LTBP1: variants seen among roughly 807,000 people sequenced by gnomAD.
LTBP1 encodes latent-transforming growth factor beta-binding protein 1.
A neutral mutation model predicts 207.6 loss-of-function variants in LTBP1; 129 were observed. The ratio of observed to expected loss-of-function variants is 0.62; its 90% CI spans 0.54 to 0.72. The LOEUF (loss-of-function observed/expected upper bound fraction) is 0.72. Among genes scored for constraint, LTBP1 ranks in the 30% least tolerant of loss-of-function variants. LTBP1 has a pLI of 0.00. For synonymous variants in LTBP1, 963 were observed against 833.7 expected, an observed-to-expected ratio of 1.16 and a Z score of -2.67; for missense variants, 2,281 against 2,217.2, an observed-to-expected ratio of 1.03 and a Z score of -0.58.
chr2:33,177,000 C>T lies in LTBP1; in HGVS notation c.1202-9856C>T, dbSNP rs527444331. ...TCAGGTCACACAACAGCCATATGAG[C>T]TGGATACAATTATTTTTCTCATTTT... On this transcript the variant is annotated intron_variant, in intron 5 of 33. Coordinates refer to ENST00000404816, the MANE Select transcript of LTBP1 (RefSeq NM_206943.4). Among the ~76,000 whole-genome samples, 15 of 152,236 alleles carry T rather than the reference C, an allele frequency of 9.9e-5. No homozygotes were observed. The East Asian group carries it at 2.9e-3, about 29-fold the overall frequency.
chr2:33,216,110 G>A (rs1030780546), intron 7 of LTBP1, among the ~76,000 whole-genome samples: 17 of 152,036 alleles, frequency 1.1e-4, no homozygotes, highest in African/African-American at 3.9e-4. Context: ...TTCATGCAGC[G>A]TTTCCTGAGC....
intron 9 of LTBP1, among the ~76,000 whole-genome samples, chr2:33,228,998 C>T (rs1463495257): frequency 6.6e-6 from 1 of 151,948 alleles, no homozygotes; most frequent in Non-Finnish European, 1.5e-5. Context: ...TGTACCCGGC[C>T]CTAACCAGGG....
At position 33,257,517 on chromosome 2, in the gene LTBP1, A is replaced by C; in HGVS notation, c.2395+6A>C. Reference sequence around the variant, plus strand: ...AGGAGTGGCGGAGCCAGAAGGTGAGAGCGGTAATGGATCATGGACTCTAGA... The same window carrying C: ...AGGAGTGGCGGAGCCAGAAGGTGAGCGCGGTAATGGATCATGGACTCTAGA... On this transcript the variant is annotated splice_donor_region_variant and intron_variant, in intron 12 of 33. Coordinates refer to ENST00000404816, the MANE Select transcript of LTBP1 (RefSeq NM_206943.4). 2 of 1,610,824 alleles carry C rather than the reference A, an allele frequency of 1.2e-6. No individual in the cohort carries two copies. The highest frequency in any genetic ancestry group is 2.2e-5 in the East Asian group (1 of 44,852).
At chr2:33,061,734 A>C (rs60641865) in intron 3 of LTBP1, among the ~76,000 whole-genome samples, 1 of 152,110 alleles carries the variant, frequency 6.6e-6, no homozygotes, top group South Asian at 2.1e-4. Flanking sequence ...GGTTGTTTCT[A>C]GTTTGGGGCT....
chr2:33,341,145 G>C (rs532065928), intron 24 of LTBP1, among the ~76,000 whole-genome samples: 2 of 152,136 alleles, frequency 1.3e-5, no homozygotes, highest in East Asian at 3.9e-4. Flanking sequence ...AGTACCAGGC[G>C]TGGCTGGTGT....
At chr2:33,056,582 C>A (rs1233503932) in intron 3 of LTBP1, 3 of 381,820 alleles carry the variant, frequency 7.9e-6, no homozygotes, top group Non-Finnish European at 1.4e-5. Context: ...AGCCGCGGAC[C>A]CTCGCAGTGA....
chr2:33,095,419 T>A (rs999815532), intron 3 of LTBP1, among the ~76,000 whole-genome samples: 1 of 152,208 alleles, frequency 6.6e-6, no homozygotes. Flanking sequence ...AGAACTGAGC[T>A]ATTGCACACT....
chr2:33,270,822 G>A (rs1361657474), intron 15 of LTBP1, among the ~76,000 whole-genome samples: 2 of 152,112 alleles, frequency 1.3e-5, no homozygotes, highest in African/African-American at 4.8e-5. Context: ...TGACAGACAT[G>A]TTCAGCGTTT....
intron 20 of LTBP1, among the ~76,000 whole-genome samples, chr2:33,293,980 A>C (rs1483658470): frequency 6.7e-6 from 1 of 150,034 alleles, no homozygotes; most frequent in Non-Finnish European, 1.5e-5. Flanking sequence ...ATTAGTGAAC[A>C]AAACTGGTAC....
At chr2:33,117,295 T>G (rs1422040995) in intron 4 of LTBP1, among the ~76,000 whole-genome samples, 2 of 152,218 alleles carry the variant, frequency 1.3e-5, no homozygotes, top group African/African-American at 4.8e-5. Context: ...ATGTCTTGCT[T>G]GTAGCGTTAG....
intron 4 of LTBP1, among the ~76,000 whole-genome samples, chr2:33,125,565 G>C (rs2081385162): frequency 6.6e-6 from 1 of 152,098 alleles, no homozygotes. Context: ...GGGCACGGTG[G>C]CTCACGCTTG....
chr2:32,979,204 G>A (rs1409612467), intron 2 of LTBP1, among the ~76,000 whole-genome samples: 2 of 149,650 alleles, frequency 1.3e-5, no homozygotes, highest in Admixed American at 6.6e-5. Context: ...ATTTATTTCT[G>A]CTCTGATCTT....
At position 33,069,958 on chromosome 2, in the gene LTBP1, G is replaced by A. The variant is rs2077705110; in HGVS notation, c.864-40624G>A. 2.6e-5 allele frequency among the ~76,000 whole-genome samples: 4 copies of A among 152,198 alleles called. No individual in the cohort carries two copies. In the South Asian group the frequency reaches 8.3e-4, roughly 31 times the overall value. On this transcript the variant is annotated intron_variant, in intron 3 of 33. Transcript: ENST00000404816. The stretch of plus-strand genomic sequence containing the variant: ...AAAAGTGAGCATAGCATGTGGGAAA[G>A]TGACTCATGGATGTGACTTCACCAT...
At chr2:33,273,004 C>T (rs1245035526) in intron 15 of LTBP1, among the ~76,000 whole-genome samples, 2 of 151,930 alleles carry the variant, frequency 1.3e-5, no homozygotes, top group East Asian at 1.9e-4. Context: ...ACACAGGGCT[C>T]AGTAAGGGAG....
chr2:33,252,614 A>T, intron 10 of LTBP1, 63 bp from the exon 11 acceptor site: 1 of 1,466,124 alleles, frequency 6.8e-7, no homozygotes, highest in Admixed American at 1.9e-5. Context: ...TTTTACTATC[A>T]TTTGGAAAGC....
intron 3 of LTBP1, among the ~76,000 whole-genome samples, chr2:33,105,147 C>G (rs1393297791): frequency 2.0e-5 from 3 of 152,120 alleles, no homozygotes; most frequent in Non-Finnish European, 4.4e-5. Context: ...GCCTTCCTCC[C>G]AAAGTCATCA....
chr2:32,951,518 C>T (rs1473059350), intron 2 of LTBP1, among the ~76,000 whole-genome samples: 1 of 152,128 alleles, frequency 6.6e-6, no homozygotes, highest in Non-Finnish European at 1.5e-5. Context: ...ACCTTGTGTC[C>T]ATGGCTGAGT....
Position 33,134,737 on chromosome 2 carries a change from C to G in LTBP1, c.1034-56C>G, listed in dbSNP as rs888377685. 4 of 1,613,802 alleles carry G rather than the reference C, an allele frequency of 2.5e-6. No individual in the cohort carries two copies. In the East Asian group the frequency reaches 8.9e-5, roughly 36 times the overall value. ...TTTTTTAAACCTTCCAAGGCAAGTT[C>G]ATGGATACTAAGCTGATGTGTTTGT... On this transcript the variant is annotated intron_variant, in intron 4 of 33. Coordinates refer to ENST00000404816, the MANE Select transcript of LTBP1 (RefSeq NM_206943.4). This position sits in a 1 kb window ranked among gnomAD's most constrained non-coding sequence, Gnocchi z 4.4.
intron 18 of LTBP1, among the ~76,000 whole-genome samples, chr2:33,277,873 A>G (rs1573575595): frequency 1.5e-5 from 2 of 131,530 alleles, no homozygotes; most frequent in East Asian, 4.4e-4. Context: ...TCTGTCGCCC[A>G]GGCTGGAGTG....
Sources: gnomAD v4.1 joint callset for allele counts (sites outside exome capture counted in the v4.1 genomes callset) on GRCh38, gnomAD v4.1.1 for gene constraint, Gnocchi (gnomAD v3.1) non-coding constraint, MANE v1.5 for transcripts, NCBI Gene and HGNC (gene_info 2026-07-23, HGNC 2026-07-21) for gene names.